Variants in NUMA1 observed in about 807,000 individuals in gnomAD.
NUMA1 encodes nuclear mitotic apparatus protein 1, also known as SP-H antigen.
In NUMA1, 62 loss-of-function variants were observed where a neutral mutation model predicts 237.1. That is an observed-to-expected ratio of 0.26 (90% CI 0.21 to 0.32). The LOEUF (loss-of-function observed/expected upper bound fraction) is 0.32, where lower values mean the gene tolerates loss of function less well. Among genes scored for constraint, NUMA1 ranks in the 10% least tolerant of loss-of-function variants. The pLI is 1.00. For synonymous variants in NUMA1, 1,028 were observed against 1,066.1 expected (o/e 0.96, Z 0.70); for missense variants, 2,533 against 2,666.5 (o/e 0.95, Z 1.10).
chr11:72,059,912 T>A (rs991796296), intron 2 of NUMA1, among the ~76,000 whole-genome samples: 2 of 152,256 alleles, frequency 1.3e-5, no homozygotes, highest in African/African-American at 4.8e-5. Flanking sequence ...ATTTTATCAA[T>A]ATATAAGATA....
chr11:72,055,965 TAC>T (rs58350314), intron 2 of NUMA1, among the ~76,000 whole-genome samples: 242 of 148,206 alleles, frequency 1.6e-3, no homozygotes, highest in African/African-American at 4.2e-3. Context: ...AAAATACACA[TAC>T]ACACACACAC....
intron 6 of NUMA1, 148 bp from the exon 7 acceptor site, chr11:72,022,567 G>A: frequency 1.9e-6 from 1 of 533,852 alleles, no homozygotes; most frequent in South Asian, 2.5e-5. Flanking sequence ...ATCCTTAACA[G>A]CTCCAGGAAA....
At chr11:72,042,857 C>T (rs7101553) in intron 2 of NUMA1, among the ~76,000 whole-genome samples, 143,251 of 152,264 alleles carry the variant, frequency 0.94, 67,558 homozygotes, top group Non-Finnish European at 0.98. Context: ...CTTGGCACGA[C>T]GGCTCACACC....
In NUMA1 at chr11:72,017,843, G is replaced by A. The variant is rs1181198956; in HGVS notation, c.979-16C>T. On this transcript the variant is annotated splice_polypyrimidine_tract_variant and intron_variant, in intron 12 of 26. Coordinates refer to ENST00000393695, the MANE Select transcript of NUMA1 (RefSeq NM_006185.4). ...ACTCCCGCAGCTGAGACGGGCAAGT[G>A]AGAATCCCCATCACCCAGAGTCAAC... The A allele has an allele frequency of 1.9e-5, 29 of 1,534,164 alleles. No individual in the cohort carries two copies. Among genetic ancestry groups the A allele is most frequent in the Non-Finnish European group, 2.4e-5 (28 of 1,143,444 alleles).
chr11:72,056,455 G>C (rs1456817885), intron 2 of NUMA1, among the ~76,000 whole-genome samples: 1 of 150,974 alleles, frequency 6.6e-6, no homozygotes, highest in Non-Finnish European at 1.5e-5. Flanking sequence ...CCAAGTAGCT[G>C]GGATTCCAGG....
chr11:72,036,219 T>A (rs1036523652), intron 2 of NUMA1, among the ~76,000 whole-genome samples: 2 of 152,212 alleles, frequency 1.3e-5, no homozygotes, highest in African/African-American at 4.8e-5. Context: ...AATTTTTCAG[T>A]TCCACAGAAA....
chr11:72,052,228 C>T (rs10736786), intron 2 of NUMA1, among the ~76,000 whole-genome samples: 134,843 of 152,190 alleles, frequency 0.89, 60,024 homozygotes, highest in Non-Finnish European at 0.95. Flanking sequence ...GATTTCAGAA[C>T]GAGAAAATAA....
At chr11:72,050,550 T>A (rs1942279263) in intron 2 of NUMA1, 2 of 152,226 alleles carry the variant, frequency 1.3e-5, no homozygotes, top group South Asian at 4.1e-4. Context: ...TCAGGATTTT[T>A]AAGGAAGGCT....
intron 2 of NUMA1, chr11:72,065,842 G>A (rs1251591430): frequency 6.6e-6 from 1 of 152,154 alleles, no homozygotes; most frequent in Non-Finnish European, 1.5e-5. Context: ...AGTTTAAAGG[G>A]ACACAGCTCT....
chr11:72,034,266 T>C (rs565020858), intron 3 of NUMA1, among the ~76,000 whole-genome samples: 61 of 152,350 alleles, frequency 4.0e-4, no homozygotes, highest in African/African-American at 1.5e-3. Flanking sequence ...ACATGCTAAA[T>C]GACTGCATGT....
chr11:72,011,431 C>T (rs1256897216), intron 16 of NUMA1, among the ~76,000 whole-genome samples: 1 of 152,194 alleles, frequency 6.6e-6, no homozygotes, highest in Non-Finnish European at 1.5e-5. Context: ...CCAAAGCCCA[C>T]CCCACTCCTA....
intron 3 of NUMA1, among the ~76,000 whole-genome samples, chr11:72,031,707 G>A (rs547145127): frequency 3.9e-4 from 59 of 152,236 alleles, no homozygotes; most frequent in African/African-American, 1.3e-3. Flanking sequence ...CCTGCTACTC[G>A]GGAGGCTGAC....
intron 2 of NUMA1, among the ~76,000 whole-genome samples, chr11:72,057,536 G>A (rs938710350): frequency 6.6e-6 from 1 of 151,996 alleles, no homozygotes; most frequent in African/African-American, 2.4e-5. Flanking sequence ...TTGAGGTCAG[G>A]AGTTCCAGAC....
chr11:72,040,089 TG>T (rs1941485026), intron 2 of NUMA1, among the ~76,000 whole-genome samples: 1 of 152,204 alleles, frequency 6.6e-6, no homozygotes. Context: ...TCTCAATTCC[TG>T]GGGAGTCCTG....
At chr11:72,032,731 T>C (rs1940494792) in intron 3 of NUMA1, among the ~76,000 whole-genome samples, 1 of 152,250 alleles carries the variant, frequency 6.6e-6, no homozygotes, top group Non-Finnish European at 1.5e-5. Flanking sequence ...ACTCAAGAGT[T>C]GCCTTTAAGG....
chr11:72,044,525 G>A (rs1031617148), intron 2 of NUMA1, among the ~76,000 whole-genome samples: 4 of 150,774 alleles, frequency 2.7e-5, no homozygotes, highest in African/African-American at 9.8e-5. Context: ...TTACTTTAGG[G>A]TCCAGCTCAA....
intron 8 of NUMA1, 56 bp from the exon 9 acceptor site, chr11:72,019,673 G>C: frequency 6.4e-7 from 1 of 1,570,394 alleles, no homozygotes; most frequent in South Asian, 1.1e-5. Context: ...AAGGTGTAAA[G>C]ATTTGCACCT....
At chr11:72,007,883 C>A (rs949938331) in intron 20 of NUMA1, 30 of 350,856 alleles carry the variant, frequency 8.6e-5, no homozygotes, top group Non-Finnish European at 1.5e-4. Context: ...ACACCCCACT[C>A]CATGCTCATG....
intron 26 of NUMA1, 112 bp downstream of exon 26, chr11:72,003,775 C>A: frequency 1.7e-6 from 2 of 1,194,326 alleles, no homozygotes; most frequent in East Asian, 2.5e-5. Context: ...TCTTACCCCA[C>A]ACCCTCCAGC....
Sources: gnomAD v4.1 joint callset for allele counts (sites outside exome capture counted in the v4.1 genomes callset) on GRCh38, gnomAD v4.1.1 for gene constraint, MANE v1.5 for transcripts, NCBI Gene and HGNC (gene_info 2026-07-23, HGNC 2026-07-21) for gene names.